Variants in DPP10 observed in about 807,000 individuals in gnomAD.
DPP10 encodes dipeptidyl peptidase like 10.
Under a neutral mutation model 120.9 loss-of-function variants are expected in DPP10, and 33 were observed. The ratio of observed to expected loss-of-function variants is 0.27; its 90% CI spans 0.21 to 0.37. The LOEUF (loss-of-function observed/expected upper bound fraction) is 0.37. Ranked by LOEUF, DPP10 falls within the 10% of genes least tolerant of loss-of-function variation. The pLI is 1.00. For synonymous variants in DPP10, 337 were observed against 326.1 expected, an observed-to-expected ratio of 1.03 and a Z score of -0.36; for missense variants, 816 against 942.8, an observed-to-expected ratio of 0.87 and a Z score of 1.76.
chr2:115,793,469 A>G (rs192079607), intron 19 of DPP10, among the ~76,000 whole-genome samples: 2 of 152,244 alleles, frequency 1.3e-5, no homozygotes, highest in East Asian at 1.9e-4. Context: ...TGGCAAAATT[A>G]TAAGTAATTG....
intron 1 of DPP10, among the ~76,000 whole-genome samples, chr2:114,622,186 G>C (rs761830611): frequency 6.6e-6 from 1 of 151,944 alleles, no homozygotes; most frequent in Non-Finnish European, 1.5e-5. Context: ...TTTATTGAAT[G>C]CTCTCTATTT....
intron 1 of DPP10, among the ~76,000 whole-genome samples, chr2:115,202,299 G>C (rs1277787994): frequency 1.3e-5 from 2 of 152,050 alleles, no homozygotes; most frequent in Non-Finnish European, 2.9e-5. Flanking sequence ...AATTTTCTAT[G>C]ACCTAGAAAC....
rs2054274182 is a variant in DPP10 at position 115,184,213 on chromosome 2, A to G, written c.61-125026A>G. Reference sequence around the variant, plus strand: ...ATGGGTCAGAATAAAAACAGTTAGTATTTTAAACGTGTGTTCAGTCATCTG... The same window carrying G: ...ATGGGTCAGAATAAAAACAGTTAGTGTTTTAAACGTGTGTTCAGTCATCTG... On this transcript the variant is annotated intron_variant, in intron 1 of 25. Coordinates refer to ENST00000410059, the MANE Select transcript of DPP10 (RefSeq NM_020868.6). Among the ~76,000 whole-genome samples, 3 of 152,178 alleles carry G rather than the reference A, an allele frequency of 2.0e-5. No individual in the cohort carries two copies. In the South Asian group the frequency reaches 6.2e-4, roughly 31 times the overall value.
In DPP10 at chr2:115,794,086, A is replaced by T. The variant is rs542206976; in HGVS notation, c.1700+2730A>T. Among the ~76,000 whole-genome samples the T allele has an allele frequency of 3.3e-5, 5 of 152,186 alleles. No homozygotes were observed. The East Asian group carries it at 9.6e-4, about 29-fold the overall frequency. On this transcript the variant is annotated intron_variant, in intron 19 of 25. Coordinates refer to ENST00000410059, the MANE Select transcript of DPP10 (RefSeq NM_020868.6). ...CATTCTAAAAGTAATAATAATTATT[A>T]TTTTTTTCGCAAATGAGCAATTAGA...
chr2:114,585,113 G>T (rs1018207079), intron 1 of DPP10, among the ~76,000 whole-genome samples: 1 of 152,146 alleles, frequency 6.6e-6, no homozygotes, highest in African/African-American at 2.4e-5. Context: ...TGCATAGCTG[G>T]GTTCTCTCTT....
chr2:115,282,369 C>T (rs2105881830), intron 1 of DPP10, among the ~76,000 whole-genome samples: 1 of 152,058 alleles, frequency 6.6e-6, no homozygotes, highest in East Asian at 1.9e-4. Flanking sequence ...CAATAAAATT[C>T]ACCAATTTTA....
chr2:115,748,817 A>G (rs911884007), intron 10 of DPP10, among the ~76,000 whole-genome samples: 2 of 152,222 alleles, frequency 1.3e-5, no homozygotes, highest in Non-Finnish European at 2.9e-5. Flanking sequence ...AAGATAATCT[A>G]CAGAAAGACA....
intron 5 of DPP10, among the ~76,000 whole-genome samples, chr2:115,633,665 A>T (rs1207937800): frequency 6.6e-6 from 1 of 152,106 alleles, no homozygotes; most frequent in Non-Finnish European, 1.5e-5. Context: ...TTAGTCTGAC[A>T]GGCTTCCCTT....
intron 1 of DPP10, among the ~76,000 whole-genome samples, chr2:114,952,257 T>C (rs7558244): frequency 0.99 from 149,959 of 152,072 alleles, 73,968 homozygotes; most frequent in Non-Finnish European, 1. Flanking sequence ...ATTAATGATA[T>C]ATATATGCAA....
At chr2:115,326,844 T>C (rs570678975) in intron 2 of DPP10, among the ~76,000 whole-genome samples, 3 of 152,194 alleles carry the variant, frequency 2.0e-5, no homozygotes, top group African/African-American at 4.8e-5. Flanking sequence ...ATGAAAAACA[T>C]TGATAAAGTA....
intron 1 of DPP10, among the ~76,000 whole-genome samples, chr2:115,034,288 CT>C (rs1559018333): frequency 6.6e-6 from 1 of 151,958 alleles, no homozygotes; most frequent in Non-Finnish European, 1.5e-5. Context: ...TTTTTGTCCT[CT>C]CTCTCCCCTT....
At chr2:115,493,254 A>G (rs2076218487) in intron 3 of DPP10, among the ~76,000 whole-genome samples, 1 of 152,078 alleles carries the variant, frequency 6.6e-6, no homozygotes, top group South Asian at 2.1e-4. Context: ...CATAAAGAAC[A>G]ATATAAATAT....
At chr2:114,853,016 G>A (rs1689087785) in intron 1 of DPP10, among the ~76,000 whole-genome samples, 1 of 152,154 alleles carries the variant, frequency 6.6e-6, no homozygotes, top group Admixed American at 6.5e-5. Flanking sequence ...CTGGACTCAG[G>A]ATAACTGCTC....
intron 1 of DPP10, among the ~76,000 whole-genome samples, chr2:114,663,244 GTATATATATATATATC>G (rs1278635466): frequency 3.1e-4 from 45 of 145,768 alleles, no homozygotes; most frequent in African/African-American, 1.0e-3. Context: ...CCTTGTGTGT[GTATATATATATATATC>G]TATATATATA....
At chr2:114,593,945 G>T (rs571077775) in intron 1 of DPP10, among the ~76,000 whole-genome samples, 61 of 152,306 alleles carry the variant, frequency 4.0e-4, no homozygotes, top group African/African-American at 1.2e-3. Flanking sequence ...TGAAAAAGCA[G>T]AAAGTGAGTC....
intron 4 of DPP10, among the ~76,000 whole-genome samples, chr2:115,505,746 G>A (rs1231716035): frequency 2.0e-5 from 3 of 152,082 alleles, no homozygotes; most frequent in Non-Finnish European, 4.4e-5. Flanking sequence ...TCAGACAGAA[G>A]GAATAATAAG....
chr2:114,599,027 G>C (rs1470866614), intron 1 of DPP10, among the ~76,000 whole-genome samples: 1 of 151,794 alleles, frequency 6.6e-6, no homozygotes, highest in Non-Finnish European at 1.5e-5. Context: ...AAAGAGTTCT[G>C]CGTTTGCTTG....
intron 1 of DPP10, among the ~76,000 whole-genome samples, chr2:114,781,706 A>G (rs1574173271): frequency 6.6e-6 from 1 of 152,074 alleles, no homozygotes; most frequent in Non-Finnish European, 1.5e-5. Flanking sequence ...TTGGGGGAGC[A>G]TCTTGAGAAA....
chr2:115,590,049 A>T (rs1177389948), intron 5 of DPP10, among the ~76,000 whole-genome samples: 1 of 150,590 alleles, frequency 6.6e-6, no homozygotes, highest in Non-Finnish European at 1.5e-5. Flanking sequence ...ATTCTGACTT[A>T]CATTGGTTAG....
Sources: gnomAD v4.1 joint callset for allele counts (sites outside exome capture counted in the v4.1 genomes callset) on GRCh38, gnomAD v4.1.1 for gene constraint, MANE v1.5 for transcripts, NCBI Gene and HGNC (gene_info 2026-07-23, HGNC 2026-07-21) for gene names.